The following APAF1 variants were observed in gnomAD, a reference collection of about 807,000 sequenced individuals.
The protein encoded by APAF1 is apoptotic protease-activating factor 1.
Under a neutral mutation model 152.4 loss-of-function variants are expected in APAF1, and 91 were observed. That is an observed-to-expected ratio of 0.60 (90% CI 0.50 to 0.71). The LOEUF is 0.71. APAF1 is among the 30% of genes least tolerant of loss of function. APAF1 has a pLI of 0.00. For missense variants in APAF1, 1,283 were observed against 1,472.0 expected, an observed-to-expected ratio of 0.87 and a Z score of 2.10; for synonymous variants, 484 against 494.1, an observed-to-expected ratio of 0.98 and a Z score of 0.27.
intron 16 of APAF1, among the ~76,000 whole-genome samples, chr12:98,693,325 C>T (rs553456492): frequency 6.6e-6 from 1 of 151,994 alleles, no homozygotes; most frequent in Non-Finnish European, 1.5e-5. Context: ...AACTCCTGGC[C>T]TCAAGTGATC....
rs756839291 is a variant in APAF1, at chr12:98,659,299, G to A, written c.666G>A (p.Glu222=). Residue 222 remains glutamate, a synonymous_variant, in exon 5 of 27, where the codon GAG becomes GAA. Coordinates refer to ENST00000551964, the MANE Select transcript of APAF1 (RefSeq NM_181861.2). ...AGAGGCTTCCACTTAATATTGAAGA[G>A]GCTAAAGACCGTCTCCGCATTCTGA... ...FSQRLPLNIE[E]AKDRLRILML... 2.5e-6 allele frequency: 4 copies of A among 1,614,042 alleles called. No homozygotes were observed. In the Admixed American group the frequency reaches 6.7e-5, roughly 27 times the overall value.
chr12:98,734,542 T>C lies in APAF1; in HGVS notation c.*1976T>C, dbSNP rs140896989. On this transcript the variant is annotated 3_prime_UTR_variant, in exon 27 of 27. Transcript: ENST00000551964. ...ACTTGTTTTTATTGTTGGTGCATAT[T>C]AGTATAACTGTGGGGTAGGTCGGGG... The C allele has an allele frequency of 5.2e-5, 8 of 152,748 alleles. No individual in the cohort carries two copies. In the East Asian group the frequency reaches 1.5e-3, roughly 29 times the overall value. The allele number at this position is 152,748 out of a possible 1,614,324, so 9.5% of individuals were successfully genotyped here.
intron 22 of APAF1, among the ~76,000 whole-genome samples, chr12:98,720,176 C>T (rs898353266): frequency 2.6e-5 from 4 of 152,096 alleles, no homozygotes; most frequent in African/African-American, 9.7e-5. Context: ...TTTTTATGAC[C>T]AGCTTGACGA....
chr12:98,667,951 T>C (rs2153318429), intron 10 of APAF1, among the ~76,000 whole-genome samples: 1 of 152,082 alleles, frequency 6.6e-6, no homozygotes. Context: ...TTTTGTATTT[T>C]TGGTGGAGAT....
intron 16 of APAF1, among the ~76,000 whole-genome samples, chr12:98,688,972 C>T (rs982322129): frequency 1.4e-4 from 21 of 151,860 alleles, no homozygotes; most frequent in African/African-American, 5.1e-4. Context: ...GCTACCATGC[C>T]CAGCTAATTT....
intron 10 of APAF1, among the ~76,000 whole-genome samples, chr12:98,670,636 G>A (rs1464291773): frequency 6.6e-6 from 1 of 151,756 alleles, no homozygotes; most frequent in Non-Finnish European, 1.5e-5. Flanking sequence ...GTTAAGTGCA[G>A]TTTTTCTTTT....
In APAF1 at chr12:98,708,576, C is replaced by G. The variant is rs565500042; in HGVS notation, c.2722-9C>G. The G allele has an allele frequency of 1.2e-6, 2 of 1,612,106 alleles. No individual in the cohort carries two copies. Among genetic ancestry groups the G allele is most frequent in the African/African-American group, 1.3e-5 (1 of 75,012 alleles). On this transcript the variant is annotated splice_polypyrimidine_tract_variant and intron_variant, in intron 19 of 26. Coordinates refer to ENST00000551964, the MANE Select transcript of APAF1 (RefSeq NM_181861.2). ...AGATGGAATGATAATTTCTTTATCT[C>G]TTAATCAGCTCTGGGAGACAAAGAA... is the stretch of plus-strand genomic sequence containing the variant.
rs11109569 is a variant in APAF1, at chr12:98,672,763, A to T, written c.1793+1044A>T. On this transcript the variant is annotated intron_variant, in intron 12 of 26. Coordinates refer to ENST00000551964, the MANE Select transcript of APAF1 (RefSeq NM_181861.2). ...TTTTATTTTTATTTTATTTTATTTT[A>T]TTTTTTTTGAGACGGCGTTTCACTC... Among the ~76,000 whole-genome samples, 517 of 151,356 alleles carry T rather than the reference A, an allele frequency of 3.4e-3. 1 individual carries two copies. The highest frequency in any genetic ancestry group is 5.6e-3 in the Non-Finnish European group (383 of 67,824).
chr12:98,655,511 C>T (rs1271573700), intron 4 of APAF1, among the ~76,000 whole-genome samples: 4 of 152,104 alleles, frequency 2.6e-5, no homozygotes, highest in Non-Finnish European at 5.9e-5. Context: ...CAGAGGGGCT[C>T]CTCACTTCCC....
In APAF1 at chr12:98,733,763, G is replaced by C. The variant is rs1358972723; in HGVS notation, c.*1197G>C. 2 of 152,250 alleles carry C rather than the reference G, an allele frequency of 1.3e-5. No homozygotes were observed. Among genetic ancestry groups the C allele is most frequent in the Admixed American group, 6.5e-5 (1 of 15,278 alleles). 9.4% of individuals were successfully genotyped at this position (152,250 alleles called of 1,614,324 possible). On this transcript the variant is annotated 3_prime_UTR_variant, in exon 27 of 27. Transcript: ENST00000551964. ...CAGTTCTTTTTGTGAAGTAAAACTT[G>C]TATGTTGGAAAGAGTAGATTTTATT...
intron 21 of APAF1, among the ~76,000 whole-genome samples, chr12:98,713,833 A>T (rs2097730881): frequency 6.6e-6 from 1 of 152,216 alleles, no homozygotes; most frequent in Non-Finnish European, 1.5e-5. Flanking sequence ...GGCCCCACAG[A>T]GAAGAGACTA....
Position 98,662,579 on chromosome 12 carries a change from T to C in APAF1, c.823+11T>C, listed in dbSNP as rs772701293. 1 of 1,608,098 alleles carries C rather than the reference T, an allele frequency of 6.2e-7. No homozygotes were observed. The highest frequency in any genetic ancestry group is 1.1e-5 in the South Asian group (1 of 90,880). ...CAGATTCAGTAATGGGTAAGGATTA[T>C]TCGTTTACTTTTTAGTACCTTTATA... On this transcript the variant is annotated intron_variant, in intron 6 of 26. Coordinates refer to ENST00000551964, the MANE Select transcript of APAF1 (RefSeq NM_181861.2).
chr12:98,651,651 T>A (rs2097649122), intron 4 of APAF1, among the ~76,000 whole-genome samples: 1 of 149,980 alleles, frequency 6.7e-6, no homozygotes. Context: ...AATTAGTAAT[T>A]ATTTATTTAT....
chr12:98,731,988 C>T (rs1225195509), intron 26 of APAF1, among the ~76,000 whole-genome samples: 4 of 152,100 alleles, frequency 2.6e-5, no homozygotes, highest in Admixed American at 2.0e-4. Flanking sequence ...TCCTGTAGCC[C>T]ATATTATGAA....
chr12:98,727,679 G>A (rs1283460231), intron 26 of APAF1, among the ~76,000 whole-genome samples: 1 of 152,070 alleles, frequency 6.6e-6, no homozygotes, highest in Admixed American at 6.5e-5. Flanking sequence ...GGTGGCTCAC[G>A]CCTGTAATCC....
At position 98,708,728 on chromosome 12, in the gene APAF1, T is replaced by C. The variant is rs570592903; in HGVS notation, c.2841+24T>C. 15 of 1,609,228 alleles carry C rather than the reference T, an allele frequency of 9.3e-6. No individual in the cohort carries two copies. In the African/African-American group the frequency reaches 1.7e-4, roughly 19 times the overall value. Reference sequence around the variant, plus strand: ...AAGTGAGTATTTTTTAGAAAACAATTGGAAAATTGTTTTGGTTGAATTTTC... The same window carrying C: ...AAGTGAGTATTTTTTAGAAAACAATCGGAAAATTGTTTTGGTTGAATTTTC... On this transcript the variant is annotated intron_variant, in intron 20 of 26. Coordinates refer to ENST00000551964, the MANE Select transcript of APAF1 (RefSeq NM_181861.2).
intron 10 of APAF1, among the ~76,000 whole-genome samples, chr12:98,667,903 TG>T (rs1184305065): frequency 6.6e-6 from 1 of 151,288 alleles, no homozygotes; most frequent in Non-Finnish European, 1.5e-5. Flanking sequence ...CCCATGTAGC[TG>T]GGACTATAGG....
chr12:98,663,455 C>T (rs2097668100), intron 7 of APAF1, among the ~76,000 whole-genome samples: 1 of 152,066 alleles, frequency 6.6e-6, no homozygotes, highest in South Asian at 2.1e-4. Context: ...CTCAAATGAT[C>T]CTCCTGCCTT....
chr12:98,704,002 T>C (rs1408475443), intron 18 of APAF1, among the ~76,000 whole-genome samples: 35 of 152,254 alleles, frequency 2.3e-4, no homozygotes, highest in Admixed American at 2.3e-3. Context: ...TGTACTTACC[T>C]GTTAAATTTT....
Sources: gnomAD v4.1 joint callset for allele counts (sites outside exome capture counted in the v4.1 genomes callset) on GRCh38, gnomAD v4.1.1 for gene constraint, MANE v1.5 for transcripts, NCBI Gene and HGNC (gene_info 2026-07-23, HGNC 2026-07-21) for gene names.